Variants in TRIM35 observed in about 807,000 individuals in gnomAD.
TRIM35 encodes the protein tripartite motif containing 35.
A neutral mutation model predicts 49.1 loss-of-function variants in TRIM35; 37 were observed. The ratio of observed to expected loss-of-function variants is 0.75; its 90% confidence interval spans 0.58 to 0.99. TRIM35 has a LOEUF of 0.99. Ranked by LOEUF, TRIM35 falls within the 50% of genes least tolerant of loss-of-function variation. The pLI is 0.00. For missense variants in TRIM35, 648 were observed against 702.7 expected (o/e 0.92, Z 0.88); for synonymous variants, 302 against 289.3 (o/e 1.04, Z -0.45).
At chr8:27,295,554 C>T (rs1034738668) in intron 2 of TRIM35, among the ~76,000 whole-genome samples, 7 of 152,200 alleles carry the variant, frequency 4.6e-5, no homozygotes, top group African/African-American at 1.4e-4. Context: ...CTACCTTAAA[C>T]GTGCCCAGGA....
At position 27,288,130 on chromosome 8, in the gene TRIM35, G is replaced by A. The variant is rs1186327022; in HGVS notation, c.905-3C>T. The A allele has an allele frequency of 1.0e-5, 16 of 1,595,688 alleles. No homozygotes were observed. The highest frequency in any genetic ancestry group is 1.3e-5 in the Non-Finnish European group (15 of 1,174,598). On this transcript the variant is annotated splice_region_variant and splice_polypyrimidine_tract_variant and intron_variant, in intron 5 of 5. Transcript: ENST00000305364. ...GTTGGGGTCAAAGCTGAAGGGTACT[G>A]CAAGCAGAGGCGGAAATGGGGAATC...
At chr8:27,309,338 G>T (rs1032702305) in intron 1 of TRIM35, among the ~76,000 whole-genome samples, 5 of 152,174 alleles carry the variant, frequency 3.3e-5, no homozygotes, top group African/African-American at 1.2e-4. Flanking sequence ...TCTGCCAGTG[G>T]AAACAGGAAA....
intron 2 of TRIM35, among the ~76,000 whole-genome samples, chr8:27,294,993 T>C (rs1349274320): frequency 7.9e-5 from 12 of 152,078 alleles, no homozygotes; most frequent in African/African-American, 2.9e-4. Flanking sequence ...CAGCTAATTT[T>C]TGTATTTTTT....
chr8:27,304,236 G>C (rs1327452970), intron 1 of TRIM35, among the ~76,000 whole-genome samples: 1 of 152,238 alleles, frequency 6.6e-6, no homozygotes, highest in African/African-American at 2.4e-5. Context: ...GCAAGGGAAA[G>C]AATGAATTTC....
At position 27,297,649 on chromosome 8, in the gene TRIM35, T is replaced by C. The variant is rs115747683; in HGVS notation, c.531+815A>G. ...GTAATTACAGGTAATGAAGTGTCAT[T>C]AAGAAAATAAACCAGGAAATTATGC... On this transcript the variant is annotated intron_variant, in intron 2 of 5. Coordinates refer to ENST00000305364, the MANE Select transcript of TRIM35 (RefSeq NM_171982.5). 5.0e-3 allele frequency among the ~76,000 whole-genome samples: 768 copies of C among 152,314 alleles called. 9 individuals are homozygous for C. Among genetic ancestry groups the C allele is most frequent in the African/African-American group, 0.018 (744 of 41,572 alleles).
At chr8:27,305,961 C>T (rs575236656) in intron 1 of TRIM35, among the ~76,000 whole-genome samples, 11 of 152,278 alleles carry the variant, frequency 7.2e-5, no homozygotes, top group Non-Finnish European at 1.2e-4. Context: ...CTCAGCCCCT[C>T]GAGTAGCTGG....
At chr8:27,291,058 C>CAAAAAAAAA (rs56953962) in intron 3 of TRIM35, among the ~76,000 whole-genome samples, 1 of 50,630 alleles carries the variant, frequency 2.0e-5, no homozygotes, top group Non-Finnish European at 4.5e-5. Flanking sequence ...TGTTGACATG[C>CAAAAAAAAA]AAAAAAAAAA....
At chr8:27,305,158 T>C (rs1303733001) in intron 1 of TRIM35, among the ~76,000 whole-genome samples, 1 of 152,372 alleles carries the variant, frequency 6.6e-6, no homozygotes, top group East Asian at 1.9e-4. Context: ...GGCAGGCACA[T>C]GCTGTGCATT....
chr8:27,300,948 C>T lies in TRIM35; in HGVS notation c.436-2389G>A, dbSNP rs112321328. On this transcript the variant is annotated intron_variant, in intron 1 of 5. Coordinates refer to ENST00000305364, the MANE Select transcript of TRIM35 (RefSeq NM_171982.5). Reference sequence around the variant, plus strand: ...CAAAGGTGTGCAGGCCCCAAAACAACACAGTTCAGCCCCTGCCCTTCAACC... The same window carrying T: ...CAAAGGTGTGCAGGCCCCAAAACAATACAGTTCAGCCCCTGCCCTTCAACC... Among the ~76,000 whole-genome samples, 472 of 152,328 alleles carry T rather than the reference C, an allele frequency of 3.1e-3. 3 individuals carry two copies. Among genetic ancestry groups the T allele is most frequent in the African/African-American group, 0.01 (429 of 41,574 alleles).
intron 3 of TRIM35, among the ~76,000 whole-genome samples, chr8:27,291,144 T>C (rs1297402837): frequency 2.8e-5 from 4 of 145,404 alleles, no homozygotes; most frequent in African/African-American, 1.0e-4. Flanking sequence ...ATCAAAGACC[T>C]ACATGAAGAG....
chr8:27,285,823 C>T lies in TRIM35; in HGVS notation c.*1727G>A. Reference sequence around the variant, plus strand: ...ATAAATACTTTACAGGAGAGGGTCACACTCTCAGACACTTTGGCTCCCAAA... The same window carrying T: ...ATAAATACTTTACAGGAGAGGGTCATACTCTCAGACACTTTGGCTCCCAAA... On this transcript the variant is annotated 3_prime_UTR_variant, in exon 6 of 6. Coordinates refer to ENST00000305364, the MANE Select transcript of TRIM35 (RefSeq NM_171982.5). 5.4e-6 allele frequency: 1 copy of T among 185,368 alleles called. No individual in the cohort carries two copies. The highest frequency in any genetic ancestry group is 1.0e-4 in the South Asian group (1 of 9,730). The allele number at this position is 185,368 out of a possible 1,614,324, so 11.5% of individuals were successfully genotyped here.
intron 1 of TRIM35, chr8:27,305,006 C>T (rs1802755809): frequency 5.6e-6 from 2 of 355,972 alleles, no homozygotes; most frequent in Non-Finnish European, 1.1e-5. Context: ...TACCTAGTAG[C>T]AGGTGATCTT....
At position 27,311,208 on chromosome 8, in the gene TRIM35, C is replaced by T. The variant is rs776309326; in HGVS notation, c.28G>A (p.Gly10Arg). 5 of 1,586,494 alleles carry T rather than the reference C, an allele frequency of 3.2e-6. No individual in the cohort carries two copies. Among genetic ancestry groups the T allele is most frequent in the Non-Finnish European group, 4.3e-6 (5 of 1,164,304 alleles). Residue 10 changes from glycine to arginine, a missense_variant, in exon 1 of 6, where the codon GGG (glycine) becomes AGG (arginine). By Grantham distance (125) the Gly-to-Arg change is moderately radical (BLOSUM62 -2). Transcript: ENST00000305364. MERSPDVSP[G>R]PSRSFKEELL... is the part of the protein sequence containing the mutation. ...TCCTCCTTGAAGGAGCGGGAAGGCC[C>T]GGGGGACACGTCGGGACTCCGCTCC...
chr8:27,292,223 T>C (rs1243341393), intron 3 of TRIM35, among the ~76,000 whole-genome samples: 3 of 152,240 alleles, frequency 2.0e-5, no homozygotes, highest in Non-Finnish European at 4.4e-5. Flanking sequence ...TACTTAACAG[T>C]GGGCTCCAGT....
chr8:27,291,045 G>GT (rs1240523263), intron 3 of TRIM35, among the ~76,000 whole-genome samples: 1 of 118,056 alleles, frequency 8.5e-6, no homozygotes, highest in Non-Finnish European at 1.7e-5. Flanking sequence ...TGGGAAAACT[G>GT]TATGTTGACA....
intron 1 of TRIM35, among the ~76,000 whole-genome samples, chr8:27,302,488 C>T (rs1189333136): frequency 1.3e-5 from 2 of 152,192 alleles, no homozygotes; most frequent in African/African-American, 4.8e-5. Context: ...TAGCTCACTG[C>T]AGCCTCCTGT....
chr8:27,297,762 T>G (rs1312623897), intron 2 of TRIM35, among the ~76,000 whole-genome samples: 1 of 152,224 alleles, frequency 6.6e-6, no homozygotes, highest in Non-Finnish European at 1.5e-5. Context: ...GCTGGGCATG[T>G]GTTCTGGGGA....
chr8:27,308,878 T>C (rs1485864202), intron 1 of TRIM35, among the ~76,000 whole-genome samples: 1 of 152,174 alleles, frequency 6.6e-6, no homozygotes, highest in Non-Finnish European at 1.5e-5. Context: ...TCCTGGATCC[T>C]CCTGCACGTC....
intron 1 of TRIM35, among the ~76,000 whole-genome samples, chr8:27,308,523 G>A (rs1219975847): frequency 6.6e-6 from 1 of 152,120 alleles, no homozygotes; most frequent in East Asian, 1.9e-4. Flanking sequence ...TTCTTACCAA[G>A]TGGTGGAGGG....
Sources: gnomAD v4.1 joint callset for allele counts (sites outside exome capture counted in the v4.1 genomes callset) on GRCh38, gnomAD v4.1.1 for gene constraint, MANE v1.5 for transcripts, NCBI Gene and HGNC (gene_info 2026-07-23, HGNC 2026-07-21) for gene names.